Variants in SRPK2 observed in about 807,000 individuals in gnomAD.
The protein encoded by SRPK2 is SRSF protein kinase 2.
SRPK2 carries 21 observed loss-of-function variants against 90.8 expected under a neutral mutation model. The ratio of observed to expected loss-of-function variants is 0.23; its 90% CI spans 0.16 to 0.33. The LOEUF is 0.33. Among genes scored for constraint, SRPK2 ranks in the 10% least tolerant of loss-of-function variants. SRPK2 has a pLI of 1.00. For synonymous variants in SRPK2, 288 were observed against 311.1 expected (o/e 0.93, Z 0.78); for missense variants, 620 against 869.0 (o/e 0.71, Z 3.60).
intron 2 of SRPK2, among the ~76,000 whole-genome samples, chr7:105,323,967 TTGTGTGTGTGTGTGTGTGTGTGTGTG>T (rs58288208): frequency 6.6e-4 from 88 of 133,894 alleles, no homozygotes; most frequent in Non-Finnish European, 1.0e-3. Flanking sequence ...AGACTATTCT[TTGTGTGTGTGTGTGTGTGTGTGTGTG>T]TGTGTGTGTG....
rs1195712861 is a variant in SRPK2, at chr7:105,170,895, GA to G, written c.230-1631del. On this transcript the variant is annotated intron_variant, in intron 3 of 15. Transcript: ENST00000393651. ...AGAAAGAAAGAAAGAAAGAAAGAAA[GA>G]AAGAAAGAAAGAAAGAAAGGAGAAA... Among the ~76,000 whole-genome samples the G allele has an allele frequency of 6.4e-4, 48 of 74,904 alleles. 2 individuals are homozygous for G. The highest frequency in any genetic ancestry group is 9.1e-4 in the African/African-American group (21 of 23,150). The allele number at this position is 74,904 out of a possible 152,430, so 49.1% of individuals were successfully genotyped here.
At position 105,249,233 on chromosome 7, in the gene SRPK2, T is replaced by C. The variant is rs886766130; in HGVS notation, c.72-45448A>G. Among the ~76,000 whole-genome samples the C allele has an allele frequency of 2.6e-5, 4 of 152,242 alleles. No individual in the cohort carries two copies. The South Asian group carries it at 8.3e-4, about 32-fold the overall frequency. ...CATAGGGGTTTGGAGCTCCAAAACA[T>C]AGCTTTTAGAGCATCTCTAATATTA... On this transcript the variant is annotated intron_variant, in intron 2 of 15. Coordinates refer to ENST00000393651, the MANE Select transcript of SRPK2 (RefSeq NM_182692.3).
intron 3 of SRPK2, chr7:105,189,360 A>G: frequency 6.2e-6 from 1 of 160,618 alleles, no homozygotes; most frequent in Non-Finnish European, 1.4e-5. Context: ...ACATCGAGAG[A>G]CTCATCCTAA....
intron 3 of SRPK2, chr7:105,189,269 T>A (rs1793973976): frequency 6.5e-6 from 1 of 153,786 alleles, no homozygotes; most frequent in Non-Finnish European, 1.5e-5. Flanking sequence ...AGAGGATAAA[T>A]CAAGGCCCTA....
At chr7:105,250,021 T>A (rs544756373) in intron 2 of SRPK2, among the ~76,000 whole-genome samples, 1 of 152,292 alleles carries the variant, frequency 6.6e-6, no homozygotes, top group Admixed American at 6.5e-5. Flanking sequence ...TAAGCGTTAT[T>A]CTACTGTTAA....
intron 2 of SRPK2, among the ~76,000 whole-genome samples, chr7:105,248,925 CA>C (rs374019072): frequency 2.7e-3 from 296 of 111,056 alleles, no homozygotes; most frequent in Admixed American, 2.7e-3. Flanking sequence ...AGCTCCATCT[CA>C]AAAAAAAAAA....
intron 2 of SRPK2, among the ~76,000 whole-genome samples, chr7:105,264,162 G>A (rs891763438): frequency 2.0e-5 from 3 of 152,146 alleles, no homozygotes; most frequent in African/African-American, 7.2e-5. Flanking sequence ...TCTTGGTCCA[G>A]GATCCTTTTC....
intron 11 of SRPK2, among the ~76,000 whole-genome samples, chr7:105,135,049 G>A (rs1168068724): frequency 6.6e-6 from 1 of 152,088 alleles, no homozygotes; most frequent in Non-Finnish European, 1.5e-5. Flanking sequence ...GAGAACAGAG[G>A]TCCAGGATAA....
At chr7:105,149,152 C>G (rs964634019) in intron 7 of SRPK2, among the ~76,000 whole-genome samples, 6 of 152,220 alleles carry the variant, frequency 3.9e-5, no homozygotes, top group Admixed American at 3.9e-4. Context: ...AGAGGAAGGC[C>G]ACTGTCTCCT....
chr7:105,170,943 GAA>G (rs1282236956), intron 3 of SRPK2, among the ~76,000 whole-genome samples: 2 of 35,118 alleles, frequency 5.7e-5, no homozygotes, highest in Admixed American at 2.6e-4. Context: ...AGGAAAGAAA[GAA>G]AGAAAGAAAG....
chr7:105,328,413 A>C (rs1813850791), intron 2 of SRPK2, among the ~76,000 whole-genome samples: 1 of 151,512 alleles, frequency 6.6e-6, no homozygotes, highest in Admixed American at 6.6e-5. Flanking sequence ...AATACAAAAA[A>C]TTAGCCAGGT....
At chr7:105,170,725 G>A (rs538588955) in intron 3 of SRPK2, among the ~76,000 whole-genome samples, 5 of 103,978 alleles carry the variant, frequency 4.8e-5, no homozygotes, top group Non-Finnish European at 7.8e-5. Context: ...AGAAAGAAAA[G>A]GAAAGAAAGG....
intron 3 of SRPK2, among the ~76,000 whole-genome samples, chr7:105,198,306 A>G (rs1367898396): frequency 6.6e-6 from 1 of 151,794 alleles, no homozygotes; most frequent in Non-Finnish European, 1.5e-5. Context: ...TGAAACACAA[A>G]TCTTCCCACA....
At chr7:105,331,328 A>AAAAAAC (rs1814347595) in intron 2 of SRPK2, among the ~76,000 whole-genome samples, 2 of 145,870 alleles carry the variant, frequency 1.4e-5, no homozygotes, top group Non-Finnish European at 3.0e-5. Flanking sequence ...AAAAAAAAAA[A>AAAAAAC]AAAAAAAAAC....
intron 2 of SRPK2, among the ~76,000 whole-genome samples, chr7:105,289,047 G>C (rs1410080862): frequency 6.9e-6 from 1 of 144,870 alleles, no homozygotes; most frequent in Non-Finnish European, 1.5e-5. Context: ...ACAAGGTCAG[G>C]AGATCGAGAC....
intron 2 of SRPK2, among the ~76,000 whole-genome samples, chr7:105,239,670 CGG>C (rs1563129121): frequency 6.6e-6 from 1 of 152,126 alleles, no homozygotes; most frequent in East Asian, 1.9e-4. Context: ...TCTGGTTAGA[CGG>C]AGTCTGACTT....
intron 2 of SRPK2, among the ~76,000 whole-genome samples, chr7:105,245,639 G>A (rs1272234413): frequency 1.3e-5 from 2 of 152,112 alleles, no homozygotes; most frequent in Non-Finnish European, 2.9e-5. Context: ...GTAGGATCTA[G>A]TGACCAACTA....
chr7:105,317,108 A>G (rs1332650089), intron 2 of SRPK2, among the ~76,000 whole-genome samples: 3 of 152,236 alleles, frequency 2.0e-5, no homozygotes, highest in Admixed American at 2.0e-4. Flanking sequence ...ACAAACCTTC[A>G]GAAGTCTCCA....
At position 105,388,656 on chromosome 7, in the gene SRPK2, A is replaced by G; in HGVS notation, c.63T>C (p.His21=). 1 of 1,585,664 alleles carries G rather than the reference A, an allele frequency of 6.3e-7. No individual in the cohort carries two copies. Among genetic ancestry groups the G allele is most frequent in the Non-Finnish European group, 8.6e-7 (1 of 1,166,416 alleles). Residue 21 remains histidine (H), a synonymous_variant, in exon 2 of 16, where the codon CAT becomes CAC. Transcript: ENST00000393651. Reference sequence around the variant, plus strand: ...GCGCAGCGTGGACTCACTTTTTCGGATGTTTCTCTCTTTTCGGCCTCCGCT... The same window carrying G: ...GCGCAGCGTGGACTCACTTTTTCGGGTGTTTCTCTCTTTTCGGCCTCCGCT... The part of the protein sequence containing the change: ...ARKRRPKREK[H]PKKPEPQQKA...
Sources: gnomAD v4.1 joint callset for allele counts (sites outside exome capture counted in the v4.1 genomes callset) on GRCh38, gnomAD v4.1.1 for gene constraint, MANE v1.5 for transcripts, NCBI Gene and HGNC (gene_info 2026-07-23, HGNC 2026-07-21) for gene names.